The following SEZ6L variants were observed in gnomAD, a reference collection of about 807,000 sequenced individuals.
SEZ6L encodes seizure related 6 homolog like.
In SEZ6L, 37 loss-of-function variants were observed where a neutral mutation model predicts 106.2. The observed-to-expected ratio is 0.35, with a 90% CI of 0.27 to 0.46. SEZ6L has a LOEUF of 0.46. Ranked by LOEUF, SEZ6L falls within the 20% of genes least tolerant of loss-of-function variation. The pLI, the probability that SEZ6L is intolerant of heterozygous loss-of-function variation, is 1.00. For synonymous variants in SEZ6L, 541 were observed against 570.4 expected (o/e 0.95, Z 0.73); for missense variants, 1,172 against 1,332.8 (o/e 0.88, Z 1.88).
Position 26,329,528 on chromosome 22 carries a change from G to A in SEZ6L, c.2016-10908G>A, listed in dbSNP as rs191494611. On this transcript the variant is annotated intron_variant, in intron 9 of 16. Coordinates refer to ENST00000248933, the MANE Select transcript of SEZ6L (RefSeq NM_021115.5). Reference sequence around the variant, plus strand: ...GTGTTTTAAGGTGTCCTATTAGGGAGCCAAAGATACTGGTTTTCTGTGTCC... The same window carrying A: ...GTGTTTTAAGGTGTCCTATTAGGGAACCAAAGATACTGGTTTTCTGTGTCC... Among the ~76,000 whole-genome samples, 19 of 152,320 alleles carry A rather than the reference G, an allele frequency of 1.2e-4. No individual in the cohort carries two copies. In the East Asian group the frequency reaches 3.3e-3, roughly 26 times the overall value.
rs537070028 is a variant in SEZ6L at position 26,365,849 on chromosome 22, G to A, written c.2794+283G>A. On this transcript the variant is annotated intron_variant, in intron 13 of 16. Transcript: ENST00000248933. The stretch of plus-strand genomic sequence containing the variant: ...TGATCATGCCACTGCACTCCAGCCC[G>A]GACAGAACGAGACTCTATCTCAAAA... 3.0e-3 allele frequency among the ~76,000 whole-genome samples: 461 copies of A among 151,916 alleles called. 2 individuals are homozygous for A. The highest frequency in any genetic ancestry group is 5.2e-3 in the Non-Finnish European group (353 of 67,954).
Position 26,292,819 on chromosome 22 carries a change from C to G in SEZ6L, c.508C>G (p.Pro170Ala). The change falls in exon 2 of 17, where the codon CCG (proline) becomes GCG (alanine). Residue 170 changes from proline to alanine, a missense_variant. This residue lies in a region of SEZ6L where 494 missense variants were observed against 445.8 expected (regional missense o/e 1.11). Coordinates refer to ENST00000248933, the MANE Select transcript of SEZ6L (RefSeq NM_021115.5). ...GGAGAAGCCTGGCCCACCGGGGGAC[C>G]CGGACCCCATCGTGGCCTCCGAGGA... ...STEKPGPPGDPDPIVASEEAS... is the reference protein window; with the variant it reads ...STEKPGPPGDADPIVASEEAS... 1 of 1,614,008 alleles carries G rather than the reference C, an allele frequency of 6.2e-7. No individual in the cohort carries two copies. The highest frequency in any genetic ancestry group is 1.1e-5 in the South Asian group (1 of 91,058).
chr22:26,224,627 G>A (rs759556053), intron 1 of SEZ6L, among the ~76,000 whole-genome samples: 1 of 152,214 alleles, frequency 6.6e-6, no homozygotes, highest in Non-Finnish European at 1.5e-5. Flanking sequence ...AGAGTCTACA[G>A]AGGTTTGACA....
At chr22:26,312,046 G>C (rs1601464670) in intron 8 of SEZ6L, 84 bp downstream of exon 8, 3 of 1,344,612 alleles carry the variant, frequency 2.2e-6, no homozygotes, top group African/African-American at 1.5e-5. Flanking sequence ...CAGCTTAGAG[G>C]CCTGTCCCCA....
At chr22:26,254,463 C>T (rs982449452) in intron 1 of SEZ6L, among the ~76,000 whole-genome samples, 6 of 151,968 alleles carry the variant, frequency 3.9e-5, no homozygotes, top group African/African-American at 1.4e-4. Flanking sequence ...ACAAAATGAA[C>T]ACATGTAGGC....
intron 1 of SEZ6L, among the ~76,000 whole-genome samples, chr22:26,250,445 G>A (rs756541197): frequency 1.1e-4 from 17 of 152,038 alleles, no homozygotes; most frequent in Non-Finnish European, 1.9e-4. Flanking sequence ...AATGTTCTTG[G>A]TGCCTTTATC....
intron 11 of SEZ6L, among the ~76,000 whole-genome samples, chr22:26,348,569 A>AAGGGAGGGAG (rs2083096297): frequency 1.2e-5 from 1 of 86,532 alleles, no homozygotes; most frequent in Non-Finnish European, 2.0e-5. Flanking sequence ...AAGGGAGGAA[A>AAGGGAGGGAG]GAAAGAAAGA....
intron 9 of SEZ6L, among the ~76,000 whole-genome samples, chr22:26,339,867 C>A (rs968935279): frequency 6.6e-6 from 1 of 152,182 alleles, no homozygotes; most frequent in African/African-American, 2.4e-5. Flanking sequence ...GAAGGTGATT[C>A]TTCTTACAAT....
chr22:26,316,905 G>GAAAGAAAGAAAGAA (rs1556343130), intron 9 of SEZ6L, among the ~76,000 whole-genome samples: 16 of 61,002 alleles, frequency 2.6e-4, no homozygotes, highest in African/African-American at 5.7e-4. Flanking sequence ...AAAGAAAGAA[G>GAAAGAAAGAAAGAA]AAAGAAAGAA....
intron 1 of SEZ6L, among the ~76,000 whole-genome samples, chr22:26,202,137 A>T (rs904949606): frequency 1.3e-5 from 2 of 151,816 alleles, no homozygotes; most frequent in Admixed American, 1.3e-4. Flanking sequence ...GATAGTCTTG[A>T]TCTCCTGATC....
In SEZ6L at chr22:26,191,843, A is replaced by G. The variant is rs570092864; in HGVS notation, c.94+22080A>G. Among the ~76,000 whole-genome samples the G allele has an allele frequency of 7.2e-5, 11 of 152,194 alleles. No homozygotes were observed. In the East Asian group the frequency reaches 1.9e-3, roughly 27 times the overall value. On this transcript the variant is annotated intron_variant, in intron 1 of 16. Transcript: ENST00000248933. ...ATCTGCAAAATGAGCAAGTTGTACC[A>G]TCTGGCCTCACAGGACACTTCCAGT...
chr22:26,219,110 G>A lies in SEZ6L; in HGVS notation c.94+49347G>A, dbSNP rs539165545. Among the ~76,000 whole-genome samples, 182 of 152,236 alleles carry A rather than the reference G, an allele frequency of 1.2e-3. 1 individual carries two copies. The highest frequency in any genetic ancestry group is 3.9e-3 in the African/African-American group (162 of 41,530). ...CGAGTGCTGGTTATGCCTTTAATTG[G>A]TACATCACTTCTTTAAGCCTGAGCT... On this transcript the variant is annotated intron_variant, in intron 1 of 16. Coordinates refer to ENST00000248933, the MANE Select transcript of SEZ6L (RefSeq NM_021115.5).
chr22:26,178,890 CG>C (rs1956304896), intron 1 of SEZ6L, among the ~76,000 whole-genome samples: 1 of 152,194 alleles, frequency 6.6e-6, no homozygotes, highest in Middle Eastern at 3.4e-3. Context: ...CTCAGGTCAG[CG>C]ATGGCTTCCA....
chr22:26,354,454 C>G (rs1223169923), intron 12 of SEZ6L, among the ~76,000 whole-genome samples: 2 of 152,130 alleles, frequency 1.3e-5, no homozygotes, highest in Admixed American at 1.3e-4. Context: ...TTTTGGACTT[C>G]CAGCCTCCCA....
chr22:26,213,595 C>T (rs2078220541), intron 1 of SEZ6L, among the ~76,000 whole-genome samples: 1 of 152,182 alleles, frequency 6.6e-6, no homozygotes, highest in Non-Finnish European at 1.5e-5. Context: ...TTATTTTCTT[C>T]CTTGACAAGA....
chr22:26,337,554 A>G lies in SEZ6L; in HGVS notation c.2016-2882A>G, dbSNP rs540059945. ...CAGGTCCAAAGCTGACATCAGTCCC[A>G]CTATTTTTGCTGTCAAGTAGACTCT... is the stretch of plus-strand genomic sequence containing the variant. On this transcript the variant is annotated intron_variant, in intron 9 of 16. Coordinates refer to ENST00000248933, the MANE Select transcript of SEZ6L (RefSeq NM_021115.5). Among the ~76,000 whole-genome samples the G allele has an allele frequency of 2.4e-4, 36 of 152,256 alleles. No individual in the cohort carries two copies. The South Asian group carries it at 7.3e-3, about 31-fold the overall frequency.
At position 26,311,978 on chromosome 22, in the gene SEZ6L, A is replaced by G. The variant is rs747564973; in HGVS notation, c.1876+16A>G. The G allele has an allele frequency of 5.0e-6, 8 of 1,606,012 alleles. No individual in the cohort carries two copies. The African/African-American group carries it at 8.1e-5, about 16-fold the overall frequency. ...CTGTGCAGAGGTGAGCGGATCCACAACGCTCTTCCCACGGCACCCCAGGGA... is the reference window on the plus strand; with the variant it reads ...CTGTGCAGAGGTGAGCGGATCCACAGCGCTCTTCCCACGGCACCCCAGGGA... On this transcript the variant is annotated intron_variant, in intron 8 of 16. Coordinates refer to ENST00000248933, the MANE Select transcript of SEZ6L (RefSeq NM_021115.5).
At chr22:26,285,163 A>G (rs2080895936) in intron 1 of SEZ6L, among the ~76,000 whole-genome samples, 1 of 152,196 alleles carries the variant, frequency 6.6e-6, no homozygotes, top group African/African-American at 2.4e-5. Flanking sequence ...TGGGATCAAT[A>G]CTATGAATCT....
At chr22:26,172,202 T>A (rs1281321103) in intron 1 of SEZ6L, among the ~76,000 whole-genome samples, 4 of 152,192 alleles carry the variant, frequency 2.6e-5, no homozygotes, top group Non-Finnish European at 5.9e-5. Flanking sequence ...AAATTCAGTA[T>A]TGCTCAATAA....
Sources: gnomAD v4.1 joint callset for allele counts (sites outside exome capture counted in the v4.1 genomes callset) on GRCh38, gnomAD v4.1.1 for gene constraint, gnomAD v4.1.1 regional missense constraint, MANE v1.5 for transcripts, NCBI Gene and HGNC (gene_info 2026-07-23, HGNC 2026-07-21) for gene names.